CCDC175: variants seen among roughly 807,000 people sequenced by gnomAD.
CCDC175 encodes coiled-coil domain-containing protein 175.
A neutral mutation model predicts 114.6 loss-of-function variants in CCDC175; 100 were observed. The ratio of observed to expected loss-of-function variants is 0.87; its 90% CI spans 0.74 to 1.03. The LOEUF (loss-of-function observed/expected upper bound fraction) is 1.03. Ranked by LOEUF, CCDC175 falls within the 50% of genes least tolerant of loss-of-function variation. The probability of loss-of-function intolerance (pLI) is 0.00; values close to 1 mark genes in which losing one functional copy is unlikely to be tolerated. For synonymous variants in CCDC175, 306 were observed against 308.7 expected, an observed-to-expected ratio of 0.99 and a Z score of 0.09; for missense variants, 880 against 917.8, an observed-to-expected ratio of 0.96 and a Z score of 0.53.
At chr14:59,536,656 C>T (rs1230113661) in intron 13 of CCDC175, among the ~76,000 whole-genome samples, 4 of 152,034 alleles carry the variant, frequency 2.6e-5, no homozygotes, top group African/African-American at 9.7e-5. Flanking sequence ...TCACCTCTTC[C>T]TATTTTCTGG....
In CCDC175 at chr14:59,527,142, G is replaced by A. The variant is rs1893792844; in HGVS notation, c.1795C>T (p.His599Tyr). ...QRQEEDLLNN[H>Y]IFLFTRDFSR... is the part of the protein sequence containing the mutation. ...AAGTCCCTTGTAAACAGAAAAATGT[G>A]ATTGTTCAGTAAATCTTCCTCCTGT... Residue 599 changes from histidine to tyrosine, a missense_variant, in exon 15 of 20, where the codon CAC becomes TAC. By Grantham distance (83) the His-to-Tyr change is moderately conservative. Coordinates refer to ENST00000537690, the MANE Select transcript of CCDC175 (RefSeq NM_001164399.2). The A allele has an allele frequency of 4.7e-6, 7 of 1,497,172 alleles. No individual in the cohort carries two copies. Among genetic ancestry groups the A allele is most frequent in the Admixed American group, 2.3e-5 (1 of 44,090 alleles). The allele number at this position is 1,497,172 out of a possible 1,614,324, so 92.7% of individuals were successfully genotyped here. A position where few individuals can be genotyped will look rare whatever the true frequency, so the allele number is the denominator to read the frequency against.
intron 10 of CCDC175, 64 bp from the exon 11 acceptor site, chr14:59,540,810 A>G (rs1431752438): frequency 7.6e-7 from 1 of 1,312,560 alleles, no homozygotes; most frequent in Admixed American, 2.5e-5. Context: ...AATAGACTCT[A>G]TACGCATAAT....
chr14:59,555,662 A>G (rs1229101282), intron 7 of CCDC175, among the ~76,000 whole-genome samples: 2 of 152,168 alleles, frequency 1.3e-5, no homozygotes, highest in African/African-American at 4.8e-5. Context: ...TTAGGAAAAG[A>G]GGAAGTCAGA....
At chr14:59,571,285 C>T (rs1054829990) in intron 3 of CCDC175, among the ~76,000 whole-genome samples, 1 of 151,982 alleles carries the variant, frequency 6.6e-6, no homozygotes, top group African/African-American at 2.4e-5. Flanking sequence ...AAATTTAAAA[C>T]TTTTGTGCTT....
chr14:59,511,548 T>TTAAAAAA (rs548112842), intron 18 of CCDC175, among the ~76,000 whole-genome samples: 6 of 94,650 alleles, frequency 6.3e-5, no homozygotes, highest in African/African-American at 2.1e-4. Context: ...TGATATTTGG[T>TTAAAAAA]AAAAAAAAAA....
At position 59,523,712 on chromosome 14, in the gene CCDC175, G is replaced by A. The variant is rs923098353; in HGVS notation, c.1995+1570C>T. Among the ~76,000 whole-genome samples, 6 of 152,220 alleles carry A rather than the reference G, an allele frequency of 3.9e-5. No individual in the cohort carries two copies. In the East Asian group the frequency reaches 5.8e-4, roughly 15 times the overall value. ...GTTTATAAAGAAGTCACATTCAGCC[G>A]GGCGCGGTGGCTCAAGCCTGTAATC... On this transcript the variant is annotated intron_variant, in intron 16 of 19. Coordinates refer to ENST00000537690, the MANE Select transcript of CCDC175 (RefSeq NM_001164399.2).
chr14:59,567,445 A>G (rs2140120889), intron 4 of CCDC175, among the ~76,000 whole-genome samples: 1 of 152,174 alleles, frequency 6.6e-6, no homozygotes, highest in East Asian at 1.9e-4. Context: ...GATTCCCAAG[A>G]AGACTTTTTT....
intron 3 of CCDC175, 119 bp from the exon 4 acceptor site, chr14:59,568,499 A>G (rs1896678685): frequency 1.3e-6 from 1 of 776,876 alleles, no homozygotes; most frequent in African/African-American, 1.8e-5. Flanking sequence ...TTTATCAAGC[A>G]TTTCTTACTC....
At chr14:59,574,324 T>G (rs1896990490) in intron 2 of CCDC175, among the ~76,000 whole-genome samples, 2 of 152,208 alleles carry the variant, frequency 1.3e-5, no homozygotes. Context: ...ACTCTGACTG[T>G]GCCAAGGAAG....
intron 11 of CCDC175, among the ~76,000 whole-genome samples, chr14:59,540,413 G>A (rs1894699132): frequency 7.1e-6 from 1 of 141,476 alleles, no homozygotes; most frequent in Non-Finnish European, 1.6e-5. Flanking sequence ...ATGAGCAAAA[G>A]GCATTGCACA....
chr14:59,557,258 C>G (rs544003656), intron 7 of CCDC175, among the ~76,000 whole-genome samples: 9 of 151,984 alleles, frequency 5.9e-5, no homozygotes, highest in Non-Finnish European at 1.2e-4. Flanking sequence ...AAATGTGGCA[C>G]ATATACACCA....
chr14:59,527,637 T>C (rs1893826759), intron 14 of CCDC175, among the ~76,000 whole-genome samples: 1 of 152,206 alleles, frequency 6.6e-6, no homozygotes, highest in South Asian at 2.1e-4. Context: ...AGTATAATTT[T>C]TGTTTTTTCT....
At chr14:59,555,727 GC>G (rs1270194269) in intron 7 of CCDC175, among the ~76,000 whole-genome samples, 3 of 152,244 alleles carry the variant, frequency 2.0e-5, no homozygotes, top group African/African-American at 7.2e-5. Flanking sequence ...CATTGTCTCA[GC>G]CCAAAATCTC....
chr14:59,508,292 G>T (rs975860786), intron 19 of CCDC175, among the ~76,000 whole-genome samples: 17 of 151,636 alleles, frequency 1.1e-4, no homozygotes, highest in Admixed American at 1.1e-3. Flanking sequence ...TAGGTCCATG[G>T]CACACACATA....
At chr14:59,515,567 A>C (rs533312698) in intron 17 of CCDC175, among the ~76,000 whole-genome samples, 12 of 152,342 alleles carry the variant, frequency 7.9e-5, no homozygotes, top group African/African-American at 2.9e-4. Context: ...AAAGAGACAA[A>C]GAAGGCCATT....
intron 8 of CCDC175, among the ~76,000 whole-genome samples, chr14:59,546,104 G>C (rs1762651051): frequency 6.6e-6 from 1 of 152,102 alleles, no homozygotes; most frequent in African/African-American, 2.4e-5. Flanking sequence ...AGAAAATGTG[G>C]TAATAATACA....
chr14:59,553,740 C>A (rs1007221157), intron 7 of CCDC175, among the ~76,000 whole-genome samples: 25 of 151,984 alleles, frequency 1.6e-4, no homozygotes, highest in African/African-American at 6.0e-4. Context: ...CAGAGACACA[C>A]ATAGGCTCAA....
rs1346898881 is a variant in CCDC175 at position 59,538,700 on chromosome 14, C to T, written c.1491+5G>A. The T allele has an allele frequency of 3.9e-6, 6 of 1,532,426 alleles. No homozygotes were observed. The highest frequency in any genetic ancestry group is 5.2e-6 in the Non-Finnish European group (6 of 1,145,138). 94.9% of individuals were successfully genotyped at this position (1,532,426 alleles called of 1,614,324 possible). ...ACTAATTCTAAGTTCTTTCAGTTCT[C>T]TTACCTCGTTAAGTAATTCAATTCG... On this transcript the variant is annotated splice_donor_5th_base_variant and intron_variant, in intron 12 of 19. Transcript: ENST00000537690.
chr14:59,526,244 C>T (rs911762702), intron 15 of CCDC175, among the ~76,000 whole-genome samples: 1 of 152,126 alleles, frequency 6.6e-6, no homozygotes, highest in Admixed American at 6.5e-5. Flanking sequence ...ACTGTATATA[C>T]ACTATACTTG....
Sources: gnomAD v4.1 joint callset for allele counts (sites outside exome capture counted in the v4.1 genomes callset) on GRCh38, gnomAD v4.1.1 for gene constraint, MANE v1.5 for transcripts, NCBI Gene and HGNC (gene_info 2026-07-23, HGNC 2026-07-21) for gene names.